CAMTA1: variants seen among roughly 807,000 people sequenced by gnomAD.
CAMTA1 encodes the protein calmodulin binding transcription activator 1, also known as calmodulin-binding transcription activator 1.
A neutral mutation model predicts 170.9 loss-of-function variants in CAMTA1; 27 were observed. That is an observed-to-expected ratio of 0.16 (90% CI 0.12 to 0.22). The LOEUF is 0.22. CAMTA1 is among the 10% of genes least tolerant of loss of function. CAMTA1 has a pLI of 1.00. For synonymous variants in CAMTA1, 833 were observed against 891.5 expected, an observed-to-expected ratio of 0.93 and a Z score of 1.17; for missense variants, 1,619 against 2,217.2, an observed-to-expected ratio of 0.73 and a Z score of 5.42.
chr1:7,280,258 T>A (rs1327710678), intron 5 of CAMTA1, among the ~76,000 whole-genome samples: 1 of 152,138 alleles, frequency 6.6e-6, no homozygotes, highest in Non-Finnish European at 1.5e-5. Context: ...CGAGAAGCCC[T>A]CTGGTTTTCT....
chr1:6,788,223 G>A (rs139823010), intron 1 of CAMTA1, among the ~76,000 whole-genome samples: 1 of 126,136 alleles, frequency 7.9e-6, no homozygotes. Context: ...GCTGCTAGCC[G>A]CTGTCACTCA....
chr1:6,848,881 C>T (rs538106045), intron 3 of CAMTA1, among the ~76,000 whole-genome samples: 6 of 152,164 alleles, frequency 3.9e-5, no homozygotes, highest in South Asian at 4.2e-4. Context: ...AGGGTACTTC[C>T]GGGAAAACAA....
At chr1:7,691,061 G>A (rs928026525) in intron 11 of CAMTA1, among the ~76,000 whole-genome samples, 1 of 152,210 alleles carries the variant, frequency 6.6e-6, no homozygotes, top group Non-Finnish European at 1.5e-5. Context: ...GGAAACATCC[G>A]AACTGACCAC....
intron 3 of CAMTA1, among the ~76,000 whole-genome samples, chr1:6,963,925 G>A (rs1449236347): frequency 6.6e-6 from 1 of 152,254 alleles, no homozygotes; most frequent in African/African-American, 2.4e-5. Flanking sequence ...AAAGGCTGGG[G>A]CGCCTGTCGC....
intron 4 of CAMTA1, among the ~76,000 whole-genome samples, chr1:7,103,433 C>CAAA (rs151171782): frequency 1.3e-5 from 2 of 149,786 alleles, no homozygotes; most frequent in African/African-American, 4.9e-5. Flanking sequence ...CACCTACACA[C>CAAA]ACTACACACA....
chr1:7,155,393 G>A lies in CAMTA1; in HGVS notation c.302+64022G>A, dbSNP rs544652929. The stretch of plus-strand genomic sequence containing the variant: ...GCCTCTGTGAGGGCACCGTTGGGGG[G>A]GGGATTGGGCAGGGAAAAGAGTGGC... On this transcript the variant is annotated intron_variant, in intron 4 of 22. Transcript: ENST00000303635. Among the ~76,000 whole-genome samples, 11 of 151,946 alleles carry A rather than the reference G, an allele frequency of 7.2e-5. No individual in the cohort carries two copies. The East Asian group carries it at 2.1e-3, about 29-fold the overall frequency.
At chr1:7,421,743 T>G (rs1255811861) in intron 5 of CAMTA1, among the ~76,000 whole-genome samples, 1 of 152,118 alleles carries the variant, frequency 6.6e-6, no homozygotes, top group Admixed American at 6.5e-5. Context: ...GGGTCCGTGA[T>G]GGAGGATGGG....
chr1:6,896,341 G>A (rs1280832896), intron 3 of CAMTA1, among the ~76,000 whole-genome samples: 1 of 152,144 alleles, frequency 6.6e-6, no homozygotes, highest in East Asian at 1.9e-4. Flanking sequence ...CTGCCTCTGT[G>A]TCCTTCCTGG....
At chr1:7,621,330 G>A (rs2095596867) in intron 6 of CAMTA1, among the ~76,000 whole-genome samples, 1 of 152,258 alleles carries the variant, frequency 6.6e-6, no homozygotes, top group South Asian at 2.1e-4. Flanking sequence ...GCCACAGCCA[G>A]AATACGTTGT....
chr1:6,883,618 C>T (rs1352111653), intron 3 of CAMTA1, among the ~76,000 whole-genome samples: 1 of 152,062 alleles, frequency 6.6e-6, no homozygotes, highest in Non-Finnish European at 1.5e-5. Context: ...CATGAAGGAG[C>T]TGAGGGTCAG....
At chr1:7,175,119 G>A (rs573178276) in intron 4 of CAMTA1, among the ~76,000 whole-genome samples, 61 of 152,234 alleles carry the variant, frequency 4.0e-4, no homozygotes, top group African/African-American at 1.5e-3. Flanking sequence ...GAGTGGGAGG[G>A]TCAGGCACTC....
Position 7,249,974 on chromosome 1 carries a change from C to A in CAMTA1, c.438+348C>A, listed in dbSNP as rs888392213. On this transcript the variant is annotated intron_variant, in intron 5 of 22. Coordinates refer to ENST00000303635, the MANE Select transcript of CAMTA1 (RefSeq NM_015215.4). This position sits in a 1 kb window ranked among gnomAD's most constrained non-coding sequence, Gnocchi z 4.4. ...AAGTGTCAGGGAAGAGGGGAGGCAG[C>A]GTAAGGAACTTCCCTCTTGAGGTGA... 2.0e-5 allele frequency among the ~76,000 whole-genome samples: 3 copies of A among 152,102 alleles called. No homozygotes were observed. The highest frequency in any genetic ancestry group is 4.1e-4 in the South Asian group (2 of 4,824).
intron 3 of CAMTA1, among the ~76,000 whole-genome samples, chr1:6,978,276 A>C (rs1693804721): frequency 6.6e-6 from 1 of 152,192 alleles, no homozygotes; most frequent in Non-Finnish European, 1.5e-5. Context: ...TGGATTCCTC[A>C]TTCTCCGTGA....
At chr1:7,721,682 A>G (rs2096650689) in intron 11 of CAMTA1, among the ~76,000 whole-genome samples, 1 of 152,110 alleles carries the variant, frequency 6.6e-6, no homozygotes, top group Non-Finnish European at 1.5e-5. Flanking sequence ...AAGAGTTTAC[A>G]TTTTATTTTG....
At chr1:7,640,336 G>A (rs2148932996) in intron 6 of CAMTA1, 64 bp from the exon 7 acceptor site, 1 of 1,587,768 alleles carries the variant, frequency 6.3e-7, no homozygotes. Flanking sequence ...CGGGGTTGGG[G>A]GCGGCCCTGA....
chr1:7,328,618 C>T (rs6688693), intron 5 of CAMTA1, among the ~76,000 whole-genome samples: 12,512 of 152,024 alleles, frequency 0.082, 1,719 homozygotes, highest in African/African-American at 0.29. Context: ...TGCATCTTTA[C>T]CTCTATTTTA....
At chr1:6,932,042 A>T (rs899199473) in intron 3 of CAMTA1, among the ~76,000 whole-genome samples, 1 of 152,244 alleles carries the variant, frequency 6.6e-6, no homozygotes, top group African/African-American at 2.4e-5. Context: ...TTATTGAGGC[A>T]TAATTGACAT....
At chr1:7,227,391 G>A (rs547164111) in intron 4 of CAMTA1, among the ~76,000 whole-genome samples, 3 of 152,052 alleles carry the variant, frequency 2.0e-5, no homozygotes, top group Non-Finnish European at 4.4e-5. Context: ...GCAATGGTGT[G>A]ATCTTGGCTC....
At chr1:7,683,751 G>A (rs1199038970) in intron 11 of CAMTA1, among the ~76,000 whole-genome samples, 1 of 152,232 alleles carries the variant, frequency 6.6e-6, no homozygotes, top group African/African-American at 2.4e-5. Context: ...AAAGCACAGG[G>A]CCCTCCTCGT....
Sources: gnomAD v4.1 joint callset for allele counts (sites outside exome capture counted in the v4.1 genomes callset) on GRCh38, gnomAD v4.1.1 for gene constraint, Gnocchi (gnomAD v3.1) non-coding constraint, MANE v1.5 for transcripts, NCBI Gene and HGNC (gene_info 2026-07-23, HGNC 2026-07-21) for gene names.